Variants in CARMIL1 observed in about 807,000 individuals in gnomAD.
The protein encoded by CARMIL1 is capping protein regulator and myosin 1 linker 1.
Under a neutral mutation model 177.1 loss-of-function variants are expected in CARMIL1, and 90 were observed. The observed-to-expected ratio is 0.51, with a 90% CI of 0.43 to 0.61. The LOEUF (loss-of-function observed/expected upper bound fraction) is 0.61. Ranked by LOEUF, CARMIL1 falls within the 20% of genes least tolerant of loss-of-function variation. The pLI, the probability that CARMIL1 is intolerant of heterozygous loss-of-function variation, is 0.00. For missense variants in CARMIL1, 1,380 were observed against 1,667.0 expected (o/e 0.83, Z 3.00); for synonymous variants, 577 against 606.2 (o/e 0.95, Z 0.71).
intron 2 of CARMIL1, among the ~76,000 whole-genome samples, chr6:25,289,822 C>T (rs1239533228): frequency 6.6e-6 from 1 of 152,138 alleles, no homozygotes; most frequent in Non-Finnish European, 1.5e-5. Flanking sequence ...TAGCCATTGG[C>T]TAGTTGATGG....
At chr6:25,382,571 C>T (rs989153156) in intron 2 of CARMIL1, among the ~76,000 whole-genome samples, 13 of 152,106 alleles carry the variant, frequency 8.5e-5, no homozygotes, top group African/African-American at 3.1e-4. Context: ...TTATTTGTCC[C>T]CGCCTATGTC....
chr6:25,556,231 G>A (rs1465082458), intron 28 of CARMIL1, among the ~76,000 whole-genome samples: 2 of 152,126 alleles, frequency 1.3e-5, no homozygotes, highest in East Asian at 3.9e-4. Context: ...AATTTTTTAT[G>A]TTTACCTAAA....
intron 3 of CARMIL1, among the ~76,000 whole-genome samples, chr6:25,421,203 T>C (rs2150697117): frequency 6.6e-6 from 1 of 152,330 alleles, no homozygotes; most frequent in South Asian, 2.1e-4. Context: ...AGATGAGTGA[T>C]TAGAAAATAG....
intron 2 of CARMIL1, among the ~76,000 whole-genome samples, chr6:25,298,776 C>T (rs1407220704): frequency 1.5e-5 from 2 of 130,196 alleles, no homozygotes; most frequent in African/African-American, 5.9e-5. Context: ...TTTTTTGAGA[C>T]GGAGTTTTGC....
Position 25,421,643 on chromosome 6 carries a change from G to C in CARMIL1, c.189+1479G>C, listed in dbSNP as rs917648861. Among the ~76,000 whole-genome samples, 97 of 150,758 alleles carry C rather than the reference G, an allele frequency of 6.4e-4. 1 individual carries two copies. Among genetic ancestry groups the C allele is most frequent in the African/African-American group, 2.1e-3 (88 of 41,116 alleles). On this transcript the variant is annotated intron_variant, in intron 3 of 36. Transcript: ENST00000329474. ...CCAACCCAAATGTCCAACAATGATA[G>C]ACTGGATTAAGAAAATGTGGCACAT... is the stretch of plus-strand genomic sequence containing the variant.
At chr6:25,400,941 T>A (rs1297496350) in intron 2 of CARMIL1, among the ~76,000 whole-genome samples, 1 of 152,246 alleles carries the variant, frequency 6.6e-6, no homozygotes, top group Non-Finnish European at 1.5e-5. Flanking sequence ...CAAGCCATCC[T>A]TAAGAAATTT....
In CARMIL1 at chr6:25,510,553, C is replaced by T; in HGVS notation, c.1524C>T (p.Asn508=). ...LSTLIVWLSK[N]RSIQHLALGK... Reference sequence around the variant, plus strand: ...CCTTAATAGTGTGGCTCAGTAAAAACAGATCAATACAACACCTGGCGTTAG... The same window carrying T: ...CCTTAATAGTGTGGCTCAGTAAAAATAGATCAATACAACACCTGGCGTTAG... The change falls in exon 19 of 37, where the codon AAC becomes AAT. Residue 508 remains asparagine (N), a synonymous_variant. Transcript: ENST00000329474. 6.4e-7 allele frequency: 1 copy of T among 1,558,402 alleles called. No homozygotes were observed. The highest frequency in any genetic ancestry group is 8.7e-7 in the Non-Finnish European group (1 of 1,149,894).
In CARMIL1 at chr6:25,558,330, A is replaced by G. The variant is rs1031589913; in HGVS notation, c.2742+1480A>G. The stretch of plus-strand genomic sequence containing the variant: ...TAGTAAAATGTATTTTATTAGGTTT[A>G]TAGATGATGTGGTTTGGAATGAGGA... On this transcript the variant is annotated intron_variant, in intron 29 of 36. Coordinates refer to ENST00000329474, the MANE Select transcript of CARMIL1 (RefSeq NM_017640.6). This position sits in a 1 kb window ranked among gnomAD's most constrained non-coding sequence, Gnocchi z 4.1. Among the ~76,000 whole-genome samples the G allele has an allele frequency of 6.6e-6, 1 of 152,218 alleles. No homozygotes were observed. The highest frequency in any genetic ancestry group is 1.5e-5 in the Non-Finnish European group (1 of 68,028).
chr6:25,414,617 C>T lies in CARMIL1; in HGVS notation c.139-5497C>T, dbSNP rs375042813. Among the ~76,000 whole-genome samples, 15 of 152,188 alleles carry T rather than the reference C, an allele frequency of 9.9e-5. 2 individuals are homozygous for T. The South Asian group carries it at 1.9e-3, about 19-fold the overall frequency. On this transcript the variant is annotated intron_variant, in intron 2 of 36. Coordinates refer to ENST00000329474, the MANE Select transcript of CARMIL1 (RefSeq NM_017640.6). ...ATGAATGTAGCCCCATTAATTGGCTCGGTTTGTGTTGATAAAACAAGAGTC... is the reference window on the plus strand; with the variant it reads ...ATGAATGTAGCCCCATTAATTGGCTTGGTTTGTGTTGATAAAACAAGAGTC...
At chr6:25,441,320 C>CGT in intron 5 of CARMIL1, among the ~76,000 whole-genome samples, 1 of 99,674 alleles carries the variant, frequency 1.0e-5, no homozygotes, top group Middle Eastern at 4.6e-3. Context: ...AACAAACAAA[C>CGT]ATATATATAT....
intron 23 of CARMIL1, 133 bp from the exon 24 acceptor site, chr6:25,528,662 G>A: frequency 1.4e-6 from 1 of 689,984 alleles, no homozygotes; most frequent in Non-Finnish European, 2.6e-6. Flanking sequence ...TGTGTTTTGT[G>A]GGGTCAAAGC....
At position 25,279,844 on chromosome 6, in the gene CARMIL1, C is replaced by G. The variant is rs368677868; in HGVS notation, c.40+9C>G. ...TCCCAGGGAGTTGATAGGTAAGATT[C>G]ACGCGGTTGTTGGTTTTCCACCTTC... On this transcript the variant is annotated intron_variant, in intron 1 of 36. Transcript: ENST00000329474. 1 of 1,613,926 alleles carries G rather than the reference C, an allele frequency of 6.2e-7. No homozygotes were observed. The highest frequency in any genetic ancestry group is 8.5e-7 in the Non-Finnish European group (1 of 1,179,854).
At chr6:25,603,770 G>A (rs544927935) in intron 33 of CARMIL1, among the ~76,000 whole-genome samples, 1 of 152,246 alleles carries the variant, frequency 6.6e-6, no homozygotes, top group African/African-American at 2.4e-5. Context: ...GTAAACACCA[G>A]ACTTTGCTTT....
At chr6:25,510,868 C>T (rs1031176700) in intron 20 of CARMIL1, 106 bp downstream of exon 20, 27 of 667,464 alleles carry the variant, frequency 4.0e-5, no homozygotes, top group Admixed American at 1.2e-4. Flanking sequence ...GTTTTATCAA[C>T]GTGTACATTT....
intron 31 of CARMIL1, among the ~76,000 whole-genome samples, chr6:25,585,539 T>A (rs895276265): frequency 1.6e-4 from 24 of 152,110 alleles, no homozygotes; most frequent in Admixed American, 5.9e-4. Flanking sequence ...TAACCTATTT[T>A]TTTATTTATT....
intron 2 of CARMIL1, among the ~76,000 whole-genome samples, chr6:25,410,771 CT>C (rs1794834638): frequency 6.6e-6 from 1 of 152,102 alleles, no homozygotes. Flanking sequence ...TCTGGTTGTT[CT>C]TTTGATTACA....
rs1422222000 is a variant in CARMIL1 at position 25,390,311 on chromosome 6, TATATA to T, written c.139-29802_139-29798del. On this transcript the variant is annotated intron_variant, in intron 2 of 36. Transcript: ENST00000329474. ...ATATTTACATATATATATATATATATATATATATATTTTTTTTTTTTTTTTTTTGA... is the reference window on the plus strand; with the variant it reads ...ATATTTACATATATATATATATATATTATATTTTTTTTTTTTTTTTTTTGA... 3.0e-3 allele frequency among the ~76,000 whole-genome samples: 169 copies of T among 56,096 alleles called. 1 individual carries two copies. Among genetic ancestry groups the T allele is most frequent in the Middle Eastern group, 0.019 (2 of 108 alleles). The allele number at this position is 56,096 out of a possible 152,430, so 36.8% of individuals were successfully genotyped here.
intron 2 of CARMIL1, among the ~76,000 whole-genome samples, chr6:25,403,941 C>G (rs1459272219): frequency 6.6e-6 from 1 of 152,188 alleles, no homozygotes; most frequent in African/African-American, 2.4e-5. Flanking sequence ...ATCCTTGGTG[C>G]CTACCACAAG....
intron 31 of CARMIL1, among the ~76,000 whole-genome samples, chr6:25,583,314 G>T (rs756900943): frequency 2.0e-5 from 3 of 152,214 alleles, no homozygotes; most frequent in Non-Finnish European, 4.4e-5. Flanking sequence ...CAGGCTGGTT[G>T]TGCACAGTGC....
Sources: gnomAD v4.1 joint callset for allele counts (sites outside exome capture counted in the v4.1 genomes callset) on GRCh38, gnomAD v4.1.1 for gene constraint, Gnocchi (gnomAD v3.1) non-coding constraint, MANE v1.5 for transcripts, NCBI Gene and HGNC (gene_info 2026-07-23, HGNC 2026-07-21) for gene names.